RALB: variants seen among roughly 807,000 people sequenced by gnomAD.
RALB encodes ras-related protein Ral-B.
In RALB, 16 loss-of-function variants were observed where a neutral mutation model predicts 21.3. The ratio of observed to expected loss-of-function variants is 0.75; its 90% confidence interval spans 0.51 to 1.14. The LOEUF (loss-of-function observed/expected upper bound fraction) is 1.14. Among genes scored for constraint, RALB ranks in the 50% most tolerant of loss-of-function variants. RALB has a pLI of 0.00. For missense variants in RALB, 161 were observed against 256.2 expected, an observed-to-expected ratio of 0.63 and a Z score of 2.54; for synonymous variants, 93 against 96.1, an observed-to-expected ratio of 0.97 and a Z score of 0.19.
intron 2 of RALB, chr2:120,280,911 T>C: frequency 2.4e-6 from 1 of 423,664 alleles, no homozygotes; most frequent in Non-Finnish European, 4.6e-6. Context: ...TCTAGAGGTA[T>C]GTCAGGCAGT....
intron 1 of RALB, among the ~76,000 whole-genome samples, chr2:120,262,261 T>C (rs982563774): frequency 6.6e-6 from 1 of 151,986 alleles, no homozygotes; most frequent in East Asian, 1.9e-4. Context: ...GCAGGTGACA[T>C]TGGGGAGGGA....
intron 1 of RALB, among the ~76,000 whole-genome samples, chr2:120,259,940 G>A (rs1043353131): frequency 2.6e-5 from 4 of 152,204 alleles, no homozygotes; most frequent in African/African-American, 7.2e-5. Flanking sequence ...GCGCAGTGCC[G>A]GTGGGCCAGC....
intron 1 of RALB, among the ~76,000 whole-genome samples, chr2:120,241,061 G>A (rs544741805): frequency 1.3e-5 from 2 of 152,328 alleles, no homozygotes; most frequent in African/African-American, 4.8e-5. Context: ...TCCTGTGGGA[G>A]CTGACGGACG....
intron 2 of RALB, among the ~76,000 whole-genome samples, chr2:120,283,305 G>A (rs1690043030): frequency 6.6e-6 from 1 of 152,112 alleles, no homozygotes; most frequent in Non-Finnish European, 1.5e-5. Context: ...AGCTCATCAG[G>A]TATCGTTAGT....
intron 2 of RALB, among the ~76,000 whole-genome samples, chr2:120,279,199 T>A (rs1573349437): frequency 6.6e-6 from 1 of 152,200 alleles, no homozygotes; most frequent in South Asian, 2.1e-4. Flanking sequence ...GTGATAGACA[T>A]CAGATCCAGT....
At position 120,278,737 on chromosome 2, in the gene RALB, G is replaced by T; in HGVS notation, c.73G>T (p.Val25Phe). The change falls in exon 2 of 5, where the codon GTT becomes TTT. Residue 25 changes from valine to phenylalanine, a missense_variant. Physicochemically the swap from Val to Phe is conservative, Grantham distance 50 (BLOSUM62 -1). Transcript: ENST00000272519. Reference sequence around the variant, plus strand: ...GGTGATCATGGTTGGCAGCGGAGGCGTTGGCAAGTCAGCCCTGACGCTTCA... The same window carrying T: ...GGTGATCATGGTTGGCAGCGGAGGCTTTGGCAAGTCAGCCCTGACGCTTCA... ...HKVIMVGSGG[V>F]GKSALTLQFM... The T allele has an allele frequency of 6.3e-7, 1 of 1,593,240 alleles. No individual in the cohort carries two copies. The highest frequency in any genetic ancestry group is 8.6e-7 in the Non-Finnish European group (1 of 1,168,666).
intron 3 of RALB, 136 bp from the exon 4 acceptor site, chr2:120,289,444 T>G (rs1181322572): frequency 4.4e-6 from 4 of 900,202 alleles, no homozygotes; most frequent in Non-Finnish European, 7.0e-6. Context: ...GAGTGCTTTC[T>G]CAGAACATGC....
rs182566898 is a variant in RALB, at chr2:120,272,668, C to T, written c.-47-5950C>T. 2.3e-4 allele frequency among the ~76,000 whole-genome samples: 35 copies of T among 152,252 alleles called. 1 individual carries two copies. The East Asian group carries it at 2.5e-3, about 11-fold the overall frequency. On this transcript the variant is annotated intron_variant, in intron 1 of 4. Coordinates refer to ENST00000272519, the MANE Select transcript of RALB (RefSeq NM_002881.3). The stretch of plus-strand genomic sequence containing the variant: ...TCCATTATAGGTATTAAATCATTAA[C>T]GTGAGCTTCCTAAACTTAACTGATT...
chr2:120,278,036 CGT>C (rs144749079), intron 1 of RALB, among the ~76,000 whole-genome samples: 3 of 142,474 alleles, frequency 2.1e-5, no homozygotes, highest in Non-Finnish European at 4.6e-5. Context: ...AATGTGAGAG[CGT>C]GAGTGTGTGT....
At position 120,268,776 on chromosome 2, in the gene RALB, C is replaced by T. The variant is rs535376968; in HGVS notation, c.-47-9842C>T. ...TGTGTTTAAAAAACTTTTTTTAAAG[C>T]GGAAGAAGAGGCCGAGGCAAGTTTC... On this transcript the variant is annotated intron_variant, in intron 1 of 4. Transcript: ENST00000272519. Among the ~76,000 whole-genome samples, 36 of 151,894 alleles carry T rather than the reference C, an allele frequency of 2.4e-4. 2 individuals are homozygous for T. The South Asian group carries it at 2.7e-3, about 11-fold the overall frequency.
chr2:120,291,879 A>G (rs2104669192), intron 4 of RALB, among the ~76,000 whole-genome samples: 1 of 152,220 alleles, frequency 6.6e-6, no homozygotes. Context: ...GTGGAGCCCC[A>G]CACTCCAGAG....
At chr2:120,290,850 C>T (rs913701531) in intron 4 of RALB, among the ~76,000 whole-genome samples, 1 of 152,200 alleles carries the variant, frequency 6.6e-6, no homozygotes, top group African/African-American at 2.4e-5. Flanking sequence ...AAAGATGAGG[C>T]TTTCTGCCTT....
At position 120,278,681 on chromosome 2, in the gene RALB, G is replaced by A; in HGVS notation, c.17G>A (p.Ser6Asn). ...ACCAGCGAGATGGCTGCCAACAAGA[G>A]TAAGGGCCAGAGCTCCTTGGCCCTC... MAANK[S>N]KGQSSLALHK... The change falls in exon 2 of 5, where the codon AGT becomes AAT. Residue 6 changes from serine (S) to asparagine (N), a missense_variant. By Grantham distance (46) the Ser-to-Asn change is conservative. Coordinates refer to ENST00000272519, the MANE Select transcript of RALB (RefSeq NM_002881.3). 1 of 1,598,414 alleles carries A rather than the reference G, an allele frequency of 6.3e-7. No homozygotes were observed. Among genetic ancestry groups the A allele is most frequent in the South Asian group, 1.1e-5 (1 of 88,680 alleles).
At chr2:120,262,617 G>A (rs1341815545) in intron 1 of RALB, among the ~76,000 whole-genome samples, 1 of 152,170 alleles carries the variant, frequency 6.6e-6, no homozygotes, top group Non-Finnish European at 1.5e-5. Context: ...TAGCACCGTA[G>A]TTCCCAAACG....
rs181640600 is a variant in RALB, at chr2:120,241,867, T to C, written c.19+1742T>C. Among the ~76,000 whole-genome samples the C allele has an allele frequency of 1.4e-3, 212 of 152,306 alleles. 2 individuals are homozygous for C. The highest frequency in any genetic ancestry group is 2.5e-3 in the Non-Finnish European group (171 of 68,028). On this transcript the variant is annotated intron_variant, in intron 1 of 3. Transcript: ENST00000447591. ...CTATGGAAAACAATATGATGGTTCC[T>C]CAAAAAATGAAGCAGAATTAACATA...
At chr2:120,277,209 G>A (rs1036330613) in intron 1 of RALB, among the ~76,000 whole-genome samples, 18 of 152,154 alleles carry the variant, frequency 1.2e-4, no homozygotes, top group African/African-American at 1.7e-4. Context: ...GGATGTGTGG[G>A]GCTGTGTAAG....
chr2:120,255,848 T>C (rs1294003817), intron 1 of RALB, among the ~76,000 whole-genome samples: 2 of 152,220 alleles, frequency 1.3e-5, no homozygotes, highest in Admixed American at 6.5e-5. Flanking sequence ...ATGCCATTAA[T>C]TGATAATTAC....
chr2:120,259,054 G>A (rs936554926), intron 1 of RALB, among the ~76,000 whole-genome samples: 3 of 152,044 alleles, frequency 2.0e-5, no homozygotes, highest in Admixed American at 1.3e-4. Flanking sequence ...CGTTCCTCCC[G>A]GTGGGCTCGT....
intron 1 of RALB, among the ~76,000 whole-genome samples, chr2:120,269,253 C>T (rs540271415): frequency 1.3e-4 from 20 of 152,226 alleles, no homozygotes; most frequent in East Asian, 5.8e-4. Flanking sequence ...TTGTTCCTTC[C>T]GGTGGGTTCA....
Sources: gnomAD v4.1 joint callset for allele counts (sites outside exome capture counted in the v4.1 genomes callset) on GRCh38, gnomAD v4.1.1 for gene constraint, MANE v1.5 for transcripts, NCBI Gene and HGNC (gene_info 2026-07-23, HGNC 2026-07-21) for gene names.